The following EFNA5 variants were observed in gnomAD, a reference collection of about 807,000 sequenced individuals.
EFNA5 encodes ephrin A5.
EFNA5 carries 5 observed loss-of-function variants against 22.9 expected under a neutral mutation model. The ratio of observed to expected loss-of-function variants is 0.22; its 90% confidence interval spans 0.11 to 0.46. EFNA5 has a LOEUF of 0.46. EFNA5 is among the 20% of genes least tolerant of loss of function. The probability of loss-of-function intolerance (pLI) is 0.99; values close to 1 mark genes in which losing one functional copy is unlikely to be tolerated. For synonymous variants in EFNA5, 113 were observed against 112.2 expected (o/e 1.01, Z -0.04); for missense variants, 237 against 293.3 (o/e 0.81, Z 1.40).
intron 1 of EFNA5, among the ~76,000 whole-genome samples, chr5:107,509,650 C>CAA (rs1561417404): frequency 6.6e-6 from 1 of 152,024 alleles, no homozygotes; most frequent in Admixed American, 6.6e-5. Flanking sequence ...ACTCTTTTTA[C>CAA]ACCCCTTAAA....
intron 1 of EFNA5, among the ~76,000 whole-genome samples, chr5:107,559,789 A>G (rs1022281750): frequency 5.3e-5 from 8 of 152,238 alleles, no homozygotes; most frequent in Non-Finnish European, 1.2e-4. Flanking sequence ...CTGCAAAGAT[A>G]AACATTAAAA....
chr5:107,458,123 A>G (rs1749742516), intron 1 of EFNA5, among the ~76,000 whole-genome samples: 1 of 152,190 alleles, frequency 6.6e-6, no homozygotes, highest in African/African-American at 2.4e-5. Flanking sequence ...AGTCAGAGCT[A>G]AATGTAATGC....
chr5:107,463,106 T>C (rs1395128350), intron 1 of EFNA5, among the ~76,000 whole-genome samples: 5 of 152,148 alleles, frequency 3.3e-5, no homozygotes, highest in African/African-American at 7.2e-5. Context: ...TCCAGTTCTA[T>C]AGTCTTTAAT....
At chr5:107,399,318 C>CAGAAAGGAAAGGAAAGGAAAGGAAA (rs1402282845) in intron 2 of EFNA5, among the ~76,000 whole-genome samples, 5 of 94,570 alleles carry the variant, frequency 5.3e-5, no homozygotes, top group African/African-American at 2.3e-4. Context: ...AGGAAGGAAA[C>CAGAAAGGAAAGGAAAGGAAAGGAAA]GGAAAGGAAA....
chr5:107,561,848 C>CT (rs955059101), intron 1 of EFNA5, among the ~76,000 whole-genome samples: 2 of 152,004 alleles, frequency 1.3e-5, no homozygotes, highest in Non-Finnish European at 2.9e-5. Context: ...TTCCAACTGA[C>CT]TTTTTTTTAA....
chr5:107,487,009 T>A (rs933239264), intron 1 of EFNA5, among the ~76,000 whole-genome samples: 1 of 152,176 alleles, frequency 6.6e-6, no homozygotes, highest in African/African-American at 2.4e-5. Flanking sequence ...TCTGTTCACA[T>A]CTCTGTTTGA....
intron 1 of EFNA5, among the ~76,000 whole-genome samples, chr5:107,450,403 C>A (rs2112445582): frequency 2.0e-5 from 3 of 152,284 alleles, no homozygotes; most frequent in East Asian, 3.9e-4. Context: ...TGCCTCCTGC[C>A]ATGCTCCCTC....
intron 1 of EFNA5, among the ~76,000 whole-genome samples, chr5:107,647,896 G>A (rs897615044): frequency 6.6e-6 from 1 of 152,164 alleles, no homozygotes; most frequent in Non-Finnish European, 1.5e-5. Context: ...AACAGACCCT[G>A]AGTGGGCCAG....
chr5:107,548,336 A>C (rs1748215410), intron 1 of EFNA5, among the ~76,000 whole-genome samples: 1 of 152,344 alleles, frequency 6.6e-6, no homozygotes, highest in East Asian at 1.9e-4. Flanking sequence ...CTTTCACACC[A>C]GAACAGTATG....
At chr5:107,482,739 A>G (rs1310479464) in intron 1 of EFNA5, among the ~76,000 whole-genome samples, 1 of 151,924 alleles carries the variant, frequency 6.6e-6, no homozygotes. Flanking sequence ...ACAAAATGTC[A>G]GCCTCAATCA....
At chr5:107,423,925 A>C (rs1014090143) in intron 2 of EFNA5, among the ~76,000 whole-genome samples, 2 of 152,194 alleles carry the variant, frequency 1.3e-5, no homozygotes, top group Non-Finnish European at 2.9e-5. Context: ...ATTTTCAACT[A>C]CCACATTTTC....
rs1429871318 is a variant in EFNA5 at position 107,623,682 on chromosome 5, T to C, written c.125+46807A>G. On this transcript the variant is annotated intron_variant, in intron 1 of 4. Coordinates refer to ENST00000333274, the MANE Select transcript of EFNA5 (RefSeq NM_001962.3). ...TTTTGCCTTATTACTTCCAAAAACA[T>C]TTTTTAAAAGAGGAGGGGGAGATTC... is the stretch of plus-strand genomic sequence containing the variant. Among the ~76,000 whole-genome samples the C allele has an allele frequency of 2.0e-5, 3 of 151,424 alleles. No homozygotes were observed. The South Asian group carries it at 6.2e-4, about 31-fold the overall frequency.
intron 1 of EFNA5, among the ~76,000 whole-genome samples, chr5:107,534,537 C>A (rs341276): frequency 9.2e-5 from 14 of 152,078 alleles, no homozygotes; most frequent in African/African-American, 3.1e-4. Context: ...CAATTTTTCC[C>A]TTTTCACATT....
At chr5:107,506,075 G>GTGTTTGGTACA in intron 1 of EFNA5, 1 of 152,342 alleles carries the variant, frequency 6.6e-6, no homozygotes, top group Non-Finnish European at 1.5e-5. Context: ...AAGCTCTTGA[G>GTGTTTGGTACA]CACTTACGCT....
chr5:107,474,349 A>G (rs1750223145), intron 1 of EFNA5, among the ~76,000 whole-genome samples: 1 of 152,176 alleles, frequency 6.6e-6, no homozygotes, highest in Non-Finnish European at 1.5e-5. Context: ...GTCACTTTTC[A>G]GTATACCAAG....
chr5:107,549,639 T>G (rs1748242088), intron 1 of EFNA5, among the ~76,000 whole-genome samples: 1 of 152,236 alleles, frequency 6.6e-6, no homozygotes, highest in South Asian at 2.1e-4. Context: ...TCTTCAGCTC[T>G]CATTTCAAGC....
At chr5:107,453,974 T>A (rs1367588744) in intron 1 of EFNA5, among the ~76,000 whole-genome samples, 1 of 152,096 alleles carries the variant, frequency 6.6e-6, no homozygotes, top group Admixed American at 6.6e-5. Flanking sequence ...TGTATGTGTG[T>A]GTGTGACAGA....
intron 1 of EFNA5, among the ~76,000 whole-genome samples, chr5:107,435,667 T>G (rs1223896749): frequency 3.9e-5 from 6 of 152,174 alleles, no homozygotes; most frequent in Non-Finnish European, 1.5e-5. Flanking sequence ...CAATGAATAT[T>G]CCTAGAGAAG....
intron 1 of EFNA5, among the ~76,000 whole-genome samples, chr5:107,620,935 CA>C (rs541882070): frequency 1.3e-3 from 202 of 152,140 alleles, no homozygotes; most frequent in African/African-American, 4.6e-3. Context: ...AAGAAAAATC[CA>C]TATTTGGATC....
Sources: allele counts gnomAD v4.1 joint callset (sites outside exome capture counted in the v4.1 genomes callset), GRCh38; gene constraint gnomAD v4.1.1; transcripts MANE v1.5; gene names NCBI Gene and HGNC (gene_info 2026-07-23, HGNC 2026-07-21).